The following CATSPERB variants were observed in gnomAD, a reference collection of about 807,000 sequenced individuals.
CATSPERB encodes catsper channel auxiliary subunit beta, also known as cation channel sperm-associated auxiliary subunit beta.
CATSPERB carries 93 observed loss-of-function variants against 128.3 expected under a neutral mutation model. The observed-to-expected ratio is 0.72, with a 90% confidence interval of 0.61 to 0.86. The LOEUF is 0.86. CATSPERB is among the 40% of genes least tolerant of loss of function. The probability of loss-of-function intolerance (pLI) is 0.00; values close to 1 mark genes in which losing one functional copy is unlikely to be tolerated. For synonymous variants in CATSPERB, 381 were observed against 448.8 expected, an observed-to-expected ratio of 0.85 and a Z score of 1.91; for missense variants, 1,153 against 1,329.5, an observed-to-expected ratio of 0.87 and a Z score of 2.06.
At chr14:91,678,313 C>T (rs1895225847) in intron 11 of CATSPERB, among the ~76,000 whole-genome samples, 1 of 152,200 alleles carries the variant, frequency 6.6e-6, no homozygotes, top group Admixed American at 6.5e-5. Flanking sequence ...TCTTGGATTA[C>T]CTACTAAGGC....
At chr14:91,677,603 G>A (rs1895212421) in intron 11 of CATSPERB, among the ~76,000 whole-genome samples, 1 of 152,240 alleles carries the variant, frequency 6.6e-6, no homozygotes, top group Non-Finnish European at 1.5e-5. Context: ...CTTTTACACT[G>A]TTGGTGGGAA....
rs539376129 is a variant in CATSPERB, at chr14:91,659,884, G to C, written c.1385C>G (p.Ala462Gly). Residue 462 changes from alanine (A) to glycine (G), a missense_variant, in exon 15 of 27, where the codon GCT becomes GGT. By Grantham distance (60) the Ala-to-Gly change is moderately conservative. Coordinates refer to ENST00000256343, the MANE Select transcript of CATSPERB (RefSeq NM_024764.4). ...TCCACGTTGAGAAACAAAAGTAATA[G>C]CTGATGTATAAAAACTATGAAAAGT... ...KKTFHSFYTS[A>G]ITFVSQRGKV... The C allele has an allele frequency of 5.0e-6, 8 of 1,601,444 alleles. No homozygotes were observed. The Admixed American group carries it at 1.2e-4, about 25-fold the overall frequency.
At chr14:91,730,062 G>C (rs1025279751) in intron 1 of CATSPERB, among the ~76,000 whole-genome samples, 1 of 152,120 alleles carries the variant, frequency 6.6e-6, no homozygotes, top group African/African-American at 2.4e-5. Context: ...ACTCCACTAC[G>C]TGTATAAGCA....
intron 15 of CATSPERB, among the ~76,000 whole-genome samples, chr14:91,651,982 A>G (rs1040252049): frequency 1.3e-5 from 2 of 152,210 alleles, no homozygotes; most frequent in Non-Finnish European, 2.9e-5. Context: ...AAAACAACCA[A>G]TTTCCAGAAA....
rs1401149027 is a variant in CATSPERB at position 91,693,345 on chromosome 14, G to A, written c.712+39C>T. ...AGATATTAATCAAATATTGATGTAA[G>A]TAAAATGCTCAAGATGAAGGCAATG... On this transcript the variant is annotated intron_variant, in intron 8 of 26. Transcript: ENST00000256343. 3.8e-6 allele frequency: 6 copies of A among 1,569,444 alleles called. No individual in the cohort carries two copies. The African/African-American group carries it at 4.1e-5, about 11-fold the overall frequency.
intron 5 of CATSPERB, among the ~76,000 whole-genome samples, chr14:91,718,764 G>A (rs1895982460): frequency 6.6e-6 from 1 of 152,070 alleles, no homozygotes; most frequent in South Asian, 2.1e-4. Context: ...CTATAAGATG[G>A]CGCATTTTTG....
chr14:91,581,755 G>C (rs547253748), intron 26 of CATSPERB, among the ~76,000 whole-genome samples: 7 of 152,192 alleles, frequency 4.6e-5, no homozygotes, highest in Non-Finnish European at 1.0e-4. Flanking sequence ...GCAAGGGTGG[G>C]GTCATTGTAT....
chr14:91,661,526 T>TATATAC (rs1555362521), intron 14 of CATSPERB, among the ~76,000 whole-genome samples: 3 of 135,212 alleles, frequency 2.2e-5, no homozygotes, highest in African/African-American at 9.1e-5. Context: ...GATGCTATCA[T>TATATAC]ATATATATAT....
In CATSPERB at chr14:91,621,267, G is replaced by A. The variant is rs1012882905; in HGVS notation, c.2260+341C>T. ...AAATACAAAAAACTAGCCGGGAGTGGTGTACACTTGTAATCCCAGCTACTT... is the reference window on the plus strand; with the variant it reads ...AAATACAAAAAACTAGCCGGGAGTGATGTACACTTGTAATCCCAGCTACTT... On this transcript the variant is annotated intron_variant, in intron 19 of 26. Transcript: ENST00000256343. 1.8e-4 allele frequency among the ~76,000 whole-genome samples: 27 copies of A among 152,146 alleles called. 1 individual carries two copies.
intron 22 of CATSPERB, chr14:91,604,459 T>C (rs1330937663): frequency 2.0e-6 from 3 of 1,506,916 alleles, no homozygotes; most frequent in Non-Finnish European, 2.7e-6. Context: ...CCACAGCTTG[T>C]GGAGTACTAA....
rs556412383 is a variant in CATSPERB at position 91,650,166 on chromosome 14, T to C, written c.1432+9671A>G. Among the ~76,000 whole-genome samples, 4 of 152,310 alleles carry C rather than the reference T, an allele frequency of 2.6e-5. No individual in the cohort carries two copies. The East Asian group carries it at 7.7e-4, about 29-fold the overall frequency. On this transcript the variant is annotated intron_variant, in intron 15 of 26. Transcript: ENST00000256343. ...CATGCATGTACTTTGTCTCAGTTAT[T>C]TATAACTTTATAAATATTTATAAAT...
chr14:91,588,647 C>G (rs989885595), intron 24 of CATSPERB, among the ~76,000 whole-genome samples: 3 of 152,044 alleles, frequency 2.0e-5, no homozygotes, highest in Non-Finnish European at 4.4e-5. Context: ...GGAAAAGAAA[C>G]AGCTGTGATT....
At chr14:91,708,394 C>T (rs1895773250) in intron 5 of CATSPERB, among the ~76,000 whole-genome samples, 158 bp from the exon 6 acceptor site, 1 of 152,142 alleles carries the variant, frequency 6.6e-6, no homozygotes, top group African/African-American at 2.4e-5. Flanking sequence ...TCCCTATAAA[C>T]ATTTTGCTCA....
rs756646908 is a variant in CATSPERB at position 91,693,462 on chromosome 14, T to C, written c.634A>G (p.Thr212Ala). ...TAATCATGCCAGAATCCACCAAAGG[T>C]TATGCCTATGTAAACACCTACCATG... ...TIVDGVYIGITFGGFWHDYDT... is the reference protein window; with the variant it reads ...TIVDGVYIGIAFGGFWHDYDT... The change falls in exon 8 of 27, where the codon ACC becomes GCC. Residue 212 changes from threonine to alanine, a missense_variant. Thr to Ala is a moderately conservative substitution (Grantham distance 58). Transcript: ENST00000256343. The C allele has an allele frequency of 1.9e-6, 3 of 1,613,848 alleles. No individual in the cohort carries two copies. Among genetic ancestry groups the C allele is most frequent in the Non-Finnish European group, 2.5e-6 (3 of 1,179,796 alleles).
chr14:91,585,985 A>G (rs906028755), intron 26 of CATSPERB, among the ~76,000 whole-genome samples: 3 of 152,144 alleles, frequency 2.0e-5, no homozygotes, highest in Non-Finnish European at 4.4e-5. Flanking sequence ...TGGTGGTTTC[A>G]ATGTCAGTTC....
Position 91,636,493 on chromosome 14 carries a change from G to A in CATSPERB, c.1674C>T (p.Asn558=), listed in dbSNP as rs915283103. The A allele has an allele frequency of 1.1e-5, 18 of 1,613,816 alleles. No individual in the cohort carries two copies. Among genetic ancestry groups the A allele is most frequent in the Non-Finnish European group, 1.4e-5 (16 of 1,179,960 alleles). Residue 558 remains asparagine, a synonymous_variant, in exon 17 of 27, where the codon AAC becomes AAT. Coordinates refer to ENST00000256343, the MANE Select transcript of CATSPERB (RefSeq NM_024764.4). ...EIIFFAYVPE[N]EPQETIYSKK... ...TGCTGTAGATCGTTTCCTGGGGTTC[G>A]TTCTCAGGTACATATGCAAAAAAGA...
chr14:91,640,396 C>CCCCCCTT (rs1894473447), intron 15 of CATSPERB, among the ~76,000 whole-genome samples: 1 of 89,882 alleles, frequency 1.1e-5, no homozygotes, highest in Admixed American at 1.1e-4. Flanking sequence ...CCTCCCCCCT[C>CCCCCCTT]CCCCCACCCC....
intron 2 of CATSPERB, among the ~76,000 whole-genome samples, chr14:91,726,712 G>T (rs1896125572): frequency 6.6e-6 from 1 of 152,146 alleles, no homozygotes; most frequent in South Asian, 2.1e-4. Flanking sequence ...GTAATGTGAG[G>T]GAGGGGAAGG....
chr14:91,615,462 C>T (rs1397901026), intron 20 of CATSPERB, among the ~76,000 whole-genome samples: 1 of 152,184 alleles, frequency 6.6e-6, no homozygotes, highest in African/African-American at 2.4e-5. Context: ...ATCCTTCTTA[C>T]CTCCAGCTCT....
Sources: allele counts gnomAD v4.1 joint callset (sites outside exome capture counted in the v4.1 genomes callset), GRCh38; gene constraint gnomAD v4.1.1; transcripts MANE v1.5; gene names NCBI Gene and HGNC (gene_info 2026-07-23, HGNC 2026-07-21).